Variants in MYCBP2 observed in about 807,000 individuals in gnomAD.
MYCBP2 encodes the protein MYC binding protein 2.
A neutral mutation model predicts 525.3 loss-of-function variants in MYCBP2; 120 were observed. The ratio of observed to expected loss-of-function variants is 0.23; its 90% CI spans 0.20 to 0.27. The LOEUF is 0.27. MYCBP2 is among the 10% of genes least tolerant of loss of function. The pLI, the probability that MYCBP2 is intolerant of heterozygous loss-of-function variation, is 1.00. For missense variants in MYCBP2, 4,149 were observed against 5,657.1 expected, an observed-to-expected ratio of 0.73 and a Z score of 8.55; for synonymous variants, 1,894 against 1,955.8, an observed-to-expected ratio of 0.97 and a Z score of 0.83.
Position 77,208,270 on chromosome 13 carries a change from A to G in MYCBP2, c.3417-1445T>C, listed in dbSNP as rs534772688. Among the ~76,000 whole-genome samples the G allele has an allele frequency of 8.5e-5, 13 of 152,290 alleles. No individual in the cohort carries two copies. The South Asian group carries it at 2.7e-3, about 32-fold the overall frequency. On this transcript the variant is annotated intron_variant, in intron 23 of 82. Transcript: ENST00000544440. Reference sequence around the variant, plus strand: ...CCCAGGCATCTCCTCAACCTTGGAAAAATAAACTTCTAAAGTGATTCAGAC... The same window carrying G: ...CCCAGGCATCTCCTCAACCTTGGAAGAATAAACTTCTAAAGTGATTCAGAC...
At chr13:77,064,800 T>G (rs1185859273) in intron 72 of MYCBP2, 66 bp from the exon 73 acceptor site, 1 of 1,406,762 alleles carries the variant, frequency 7.1e-7, no homozygotes, top group Non-Finnish European at 9.5e-7. Flanking sequence ...AACTCTTTTT[T>G]CTTAAATAAC....
At chr13:77,188,398 G>C (rs2060956061) in intron 30 of MYCBP2, among the ~76,000 whole-genome samples, 1 of 152,062 alleles carries the variant, frequency 6.6e-6, no homozygotes, top group Admixed American at 6.5e-5. Flanking sequence ...AATTTACTTA[G>C]GTAACATACG....
rs753760871 is a variant in MYCBP2, at chr13:77,058,065, C to T, written c.13329+153G>A. 2.0e-5 allele frequency among the ~76,000 whole-genome samples: 3 copies of T among 152,124 alleles called. No individual in the cohort carries two copies. The highest frequency in any genetic ancestry group is 7.2e-5 in the African/African-American group (3 of 41,412). ...CTGTGTTAGCCAGGATGGTCTCGAT[C>T]TCCTGACCTCGTGATCCACCTGCCT... On this transcript the variant is annotated intron_variant, in intron 78 of 82. Transcript: ENST00000544440. This position sits in a 1 kb window ranked among gnomAD's most constrained non-coding sequence, Gnocchi z 4.1.
At chr13:77,294,109 T>TATATATATATATACATATATATATAC (rs2077805853) in intron 2 of MYCBP2, among the ~76,000 whole-genome samples, 5 of 52,404 alleles carry the variant, frequency 9.5e-5, no homozygotes, top group Non-Finnish European at 2.6e-4. Flanking sequence ...AATGGCTATA[T>TATATATATATATACATATATATATAC]ATATATATAT....
intron 52 of MYCBP2, among the ~76,000 whole-genome samples, chr13:77,133,911 C>T (rs952682300): frequency 2.6e-5 from 4 of 152,118 alleles, no homozygotes; most frequent in African/African-American, 4.8e-5. Context: ...ATGGTGAGTA[C>T]TCCAAGGATC....
In MYCBP2 at chr13:77,057,004, T is replaced by C. The variant is rs375166187; in HGVS notation, c.13419A>G (p.Ile4473Met). The change falls in exon 79 of 83, where the codon ATA (isoleucine) becomes ATG (methionine). Residue 4473 changes from isoleucine to methionine, a missense_variant. By Grantham distance (10) the Ile-to-Met change is conservative (BLOSUM62 1). Coordinates refer to ENST00000544440, the MANE Select transcript of MYCBP2 (RefSeq NM_015057.5). ...WLGPRITFGF[I>M]SCPICKNKIN... ...TCCATACCTTGCAAATGGGACAAGA[T>C]ATAAATCCAAATGTTATCCTTGGGC... is the stretch of plus-strand genomic sequence containing the variant. 2 of 1,612,238 alleles carry C rather than the reference T, an allele frequency of 1.2e-6. No homozygotes were observed. The highest frequency in any genetic ancestry group is 3.3e-5 in the Admixed American group (2 of 59,996).
chr13:77,253,337 T>C (rs1448060481), intron 14 of MYCBP2, among the ~76,000 whole-genome samples: 3 of 151,846 alleles, frequency 2.0e-5, no homozygotes, highest in Non-Finnish European at 4.4e-5. Context: ...CACAGCAACA[T>C]TATTCATAAT....
At chr13:77,276,919 G>A (rs2154349737) in intron 4 of MYCBP2, among the ~76,000 whole-genome samples, 1 of 137,970 alleles carries the variant, frequency 7.2e-6, no homozygotes, top group South Asian at 2.3e-4. Flanking sequence ...GCCTCCCAAA[G>A]TGCTGGGATT....
At chr13:77,260,667 A>T in intron 12 of MYCBP2, 75 bp from the exon 13 acceptor site, 1 of 960,678 alleles carries the variant, frequency 1.0e-6, no homozygotes, top group Non-Finnish European at 1.4e-6. Flanking sequence ...ATATAAAGCT[A>T]AAAAAAAAAC....
intron 55 of MYCBP2, among the ~76,000 whole-genome samples, chr13:77,115,794 G>T (rs542047099): frequency 2.4e-4 from 36 of 151,522 alleles, no homozygotes; most frequent in Admixed American, 2.0e-4. Flanking sequence ...AGTTAACCAG[G>T]ATCTTGAGTT....
chr13:77,073,969 G>T (rs2041838906), intron 68 of MYCBP2, among the ~76,000 whole-genome samples: 1 of 150,020 alleles, frequency 6.7e-6, no homozygotes. Flanking sequence ...CTATCAATTT[G>T]GTGTTAATTC....
At chr13:77,297,312 T>C (rs1027246480) in intron 1 of MYCBP2, among the ~76,000 whole-genome samples, 7 of 152,242 alleles carry the variant, frequency 4.6e-5, no homozygotes, top group South Asian at 2.1e-4. Context: ...ATATGTTTTA[T>C]GTTCACCATG....
At chr13:77,070,574 A>G in intron 69 of MYCBP2, 57 bp downstream of exon 69, 1 of 678,720 alleles carries the variant, frequency 1.5e-6, no homozygotes, top group Admixed American at 3.3e-5. Context: ...AAACAAACAA[A>G]CACACACACA....
chr13:77,159,367 G>A (rs2057594156), intron 44 of MYCBP2, among the ~76,000 whole-genome samples: 1 of 151,856 alleles, frequency 6.6e-6, no homozygotes, highest in Admixed American at 6.6e-5. Flanking sequence ...CCAAAAAGAG[G>A]CAATTTGGGA....
chr13:77,282,753 C>G lies in MYCBP2; in HGVS notation c.595-3842G>C, dbSNP rs956378193. 3.3e-5 allele frequency among the ~76,000 whole-genome samples: 5 copies of G among 152,286 alleles called. No individual in the cohort carries two copies. In the South Asian group the frequency reaches 1.0e-3, roughly 32 times the overall value. Reference sequence around the variant, plus strand: ...AATCAGCATGTGAACTAAACTTGATCATCATTTCAGCCAAGCACTGTTCCT... The same window carrying G: ...AATCAGCATGTGAACTAAACTTGATGATCATTTCAGCCAAGCACTGTTCCT... On this transcript the variant is annotated intron_variant, in intron 3 of 82. Transcript: ENST00000544440.
intron 18 of MYCBP2, among the ~76,000 whole-genome samples, chr13:77,226,572 T>C (rs1404470286): frequency 6.6e-6 from 1 of 152,196 alleles, no homozygotes; most frequent in African/African-American, 2.4e-5. Flanking sequence ...AAGTGTGTAT[T>C]ATATGAAGAT....
At chr13:77,229,133 T>C (rs1008529348) in intron 18 of MYCBP2, among the ~76,000 whole-genome samples, 3 of 152,182 alleles carry the variant, frequency 2.0e-5, no homozygotes, top group Non-Finnish European at 2.9e-5. Flanking sequence ...TCTTGGCTCT[T>C]CTCATTTGCT....
chr13:77,196,549 G>C (rs1276739896), intron 26 of MYCBP2, among the ~76,000 whole-genome samples: 1 of 152,184 alleles, frequency 6.6e-6, no homozygotes, highest in Non-Finnish European at 1.5e-5. Flanking sequence ...GTTAGATACG[G>C]GATTTATTTT....
chr13:77,211,960 T>G lies in MYCBP2; in HGVS notation c.3258A>C (p.Ile1086=). 6.2e-7 allele frequency: 1 copy of G among 1,612,606 alleles called. No homozygotes were observed. Among genetic ancestry groups the G allele is most frequent in the Non-Finnish European group, 8.5e-7 (1 of 1,178,700 alleles). Residue 1086 remains isoleucine (I), a synonymous_variant, in exon 22 of 83, where the codon ATA becomes ATC. Transcript: ENST00000544440. ...TTTGTTTATTTCTGGTATTACCTAT[T>G]ATGTGTTTACTGGCAAAAATTTCTG... ...ATSEIFASKH[I]IGLVPASISE...
Sources: gnomAD v4.1 joint callset for allele counts (sites outside exome capture counted in the v4.1 genomes callset) on GRCh38, gnomAD v4.1.1 for gene constraint, Gnocchi (gnomAD v3.1) non-coding constraint, MANE v1.5 for transcripts, NCBI Gene and HGNC (gene_info 2026-07-23, HGNC 2026-07-21) for gene names.